Variants in PPA2 observed in about 807,000 individuals in gnomAD.
PPA2 encodes inorganic pyrophosphatase 2.
A neutral mutation model predicts 49.5 loss-of-function variants in PPA2; 48 were observed. The ratio of observed to expected loss-of-function variants is 0.97; its 90% CI spans 0.77 to 1.23. The LOEUF (loss-of-function observed/expected upper bound fraction) is 1.23. Ranked by LOEUF, PPA2 falls within the 50% of genes most tolerant of loss-of-function variation. The pLI, the probability that PPA2 is intolerant of heterozygous loss-of-function variation, is 0.00. For missense variants in PPA2, 429 were observed against 410.1 expected (o/e 1.05, Z -0.40); for synonymous variants, 131 against 139.9 (o/e 0.94, Z 0.45).
chr4:105,467,172 T>C (rs1325297523), intron 1 of PPA2, among the ~76,000 whole-genome samples: 1 of 152,244 alleles, frequency 6.6e-6, no homozygotes, highest in Non-Finnish European at 1.5e-5. Context: ...GCCCTGCTCA[T>C]GCCTGACTAG....
chr4:105,433,011 G>C (rs1723882698), intron 6 of PPA2, among the ~76,000 whole-genome samples: 2 of 152,184 alleles, frequency 1.3e-5, no homozygotes, highest in East Asian at 3.9e-4. Context: ...GAATAAATGA[G>C]ATAATTCTTA....
In PPA2 at chr4:105,443,647, TCTC is replaced by T. The variant is rs1482952462; in HGVS notation, c.441+2733_441+2735del. ...CACACACACACACACAGACTCTCTC[TCTC>T]TTTTTCTCTCTCTCTCTCCAAGATC... On this transcript the variant is annotated intron_variant, in intron 5 of 11. Coordinates refer to ENST00000341695, the MANE Select transcript of PPA2 (RefSeq NM_176869.3). 4.6e-5 allele frequency among the ~76,000 whole-genome samples: 7 copies of T among 151,516 alleles called. No individual in the cohort carries two copies. In the East Asian group the frequency reaches 1.4e-3, roughly 29 times the overall value.
At chr4:105,409,428 C>G (rs577788292) in intron 7 of PPA2, among the ~76,000 whole-genome samples, 3 of 152,186 alleles carry the variant, frequency 2.0e-5, no homozygotes, top group Non-Finnish European at 4.4e-5. Flanking sequence ...CAGTGCCCCT[C>G]TGCAAGGCCT....
chr4:105,420,092 C>T (rs1723187805), intron 7 of PPA2, among the ~76,000 whole-genome samples: 1 of 152,024 alleles, frequency 6.6e-6, no homozygotes, highest in African/African-American at 2.4e-5. Context: ...CTTGCCTCAG[C>T]CTCCCATATA....
At chr4:105,370,938 A>G (rs1313867409) in intron 10 of PPA2, 65 bp from the exon 11 acceptor site, 12 of 1,381,052 alleles carry the variant, frequency 8.7e-6, no homozygotes, top group Non-Finnish European at 1.0e-5. Flanking sequence ...AAGCGCATCC[A>G]GAAGTTTTTT....
chr4:105,444,930 A>G (rs1724534559), intron 5 of PPA2, among the ~76,000 whole-genome samples: 1 of 152,170 alleles, frequency 6.6e-6, no homozygotes, highest in Non-Finnish European at 1.5e-5. Context: ...TAAGAAGTAG[A>G]TATTTTATGT....
At chr4:105,407,662 A>G (rs986200877) in intron 7 of PPA2, among the ~76,000 whole-genome samples, 1 of 152,208 alleles carries the variant, frequency 6.6e-6, no homozygotes, top group Non-Finnish European at 1.5e-5. Flanking sequence ...TAAATTAGGA[A>G]GAACTAACCT....
At chr4:105,425,262 T>G (rs889791452) in intron 6 of PPA2, among the ~76,000 whole-genome samples, 2 of 152,076 alleles carry the variant, frequency 1.3e-5, no homozygotes, top group Non-Finnish European at 1.5e-5. Context: ...ACAGAAACAT[T>G]TCCAGAAATG....
In PPA2 at chr4:105,453,588, T is replaced by C. The variant is rs1020169017; in HGVS notation, c.267+10A>G. On this transcript the variant is annotated intron_variant, in intron 3 of 11. Transcript: ENST00000341695. ...AAGTGATTCACAAAAATAAAAACCT[T>C]TGGATATACCTCATATTCATCATTT... 6 of 1,583,932 alleles carry C rather than the reference T, an allele frequency of 3.8e-6. No individual in the cohort carries two copies. The African/African-American group carries it at 4.1e-5, about 11-fold the overall frequency.
At chr4:105,381,822 T>G (rs1241180184) in intron 10 of PPA2, among the ~76,000 whole-genome samples, 1 of 152,076 alleles carries the variant, frequency 6.6e-6, no homozygotes, top group Non-Finnish European at 1.5e-5. Context: ...AGCTTTTGTT[T>G]TAGTTGATCC....
chr4:105,449,471 CT>C, intron 3 of PPA2, 68 bp from the exon 4 acceptor site: 3 of 981,928 alleles, frequency 3.1e-6, no homozygotes, highest in Non-Finnish European at 3.1e-6. Flanking sequence ...CGTTACCTCC[CT>C]TATAAGAATA....
chr4:105,377,408 T>A (rs1236072776), intron 10 of PPA2, among the ~76,000 whole-genome samples: 1 of 152,176 alleles, frequency 6.6e-6, no homozygotes, highest in Non-Finnish European at 1.5e-5. Context: ...GATACTATTA[T>A]TATAAGCCCC....
intron 10 of PPA2, among the ~76,000 whole-genome samples, chr4:105,378,722 A>G (rs1366742043): frequency 6.6e-6 from 1 of 152,164 alleles, no homozygotes; most frequent in East Asian, 1.9e-4. Flanking sequence ...TCCATTTTAG[A>G]CAATTACATA....
At chr4:105,430,969 G>A (rs1232156956) in intron 6 of PPA2, among the ~76,000 whole-genome samples, 1 of 152,114 alleles carries the variant, frequency 6.6e-6, no homozygotes, top group Non-Finnish European at 1.5e-5. Context: ...TTTTGCCTGA[G>A]ATCACAGAAC....
At chr4:105,433,298 T>TA (rs1332036494) in intron 6 of PPA2, among the ~76,000 whole-genome samples, 7 of 152,144 alleles carry the variant, frequency 4.6e-5, no homozygotes, top group Non-Finnish European at 7.4e-5. Context: ...ACAGCATTCT[T>TA]AAAAAAACAC....
chr4:105,464,461 T>G (rs949147813), intron 1 of PPA2, among the ~76,000 whole-genome samples: 1 of 152,198 alleles, frequency 6.6e-6, no homozygotes, highest in South Asian at 2.1e-4. Flanking sequence ...TGAGTTAATG[T>G]TGAAATGAGT....
At chr4:105,472,895 T>C (rs1385344244) in intron 1 of PPA2, among the ~76,000 whole-genome samples, 1 of 152,244 alleles carries the variant, frequency 6.6e-6, no homozygotes, top group East Asian at 1.9e-4. Context: ...TAATGTCATG[T>C]AATACTTGCA....
chr4:105,434,903 G>T (rs930785667), intron 6 of PPA2, among the ~76,000 whole-genome samples: 4 of 152,186 alleles, frequency 2.6e-5, no homozygotes, highest in Non-Finnish European at 5.9e-5. Context: ...AAAACTAGAT[G>T]CTTAGGAATA....
intron 7 of PPA2, among the ~76,000 whole-genome samples, chr4:105,413,663 A>T (rs984706784): frequency 6.6e-6 from 1 of 152,250 alleles, no homozygotes; most frequent in Non-Finnish European, 1.5e-5. Context: ...TAAGAAAGAC[A>T]TTCCAAAACA....
Sources: allele counts gnomAD v4.1 joint callset (sites outside exome capture counted in the v4.1 genomes callset), GRCh38; gene constraint gnomAD v4.1.1; transcripts MANE v1.5; gene names NCBI Gene and HGNC (gene_info 2026-07-23, HGNC 2026-07-21).